IL7R: variants seen among roughly 807,000 people sequenced by gnomAD.
The protein encoded by IL7R is interleukin 7 receptor.
In IL7R, 38 loss-of-function variants were observed where a neutral mutation model predicts 47.0. The observed-to-expected ratio is 0.81, with a 90% CI of 0.62 to 1.06. IL7R has a LOEUF of 1.06. Ranked by LOEUF, IL7R falls within the 50% of genes least tolerant of loss-of-function variation. IL7R has a pLI of 0.00. For missense variants in IL7R, 633 were observed against 534.8 expected (o/e 1.18, Z -1.81); for synonymous variants, 221 against 199.8 (o/e 1.11, Z -0.89).
rs1341328719 is a variant in IL7R, at chr5:35,860,848, C to G, written c.83-4C>G. The G allele has an allele frequency of 6.2e-7, 1 of 1,613,358 alleles. No individual in the cohort carries two copies. The highest frequency in any genetic ancestry group is 8.5e-7 in the Non-Finnish European group (1 of 1,179,408). ...TTAACAGCTGCATGTTTGTTCCTCCCCAGGAGACTTGGAAGATGCAGAACT... is the reference window on the plus strand; with the variant it reads ...TTAACAGCTGCATGTTTGTTCCTCCGCAGGAGACTTGGAAGATGCAGAACT... On this transcript the variant is annotated splice_polypyrimidine_tract_variant and splice_region_variant and intron_variant, in intron 1 of 7. Coordinates refer to ENST00000303115, the MANE Select transcript of IL7R (RefSeq NM_002185.5).
At chr5:35,858,703 A>ATTTTACC (rs1759724632) in intron 1 of IL7R, among the ~76,000 whole-genome samples, 1 of 152,180 alleles carries the variant, frequency 6.6e-6, no homozygotes, top group Non-Finnish European at 1.5e-5. Context: ...TAGAATTCTT[A>ATTTTACC]TTTTACCTTT....
At chr5:35,873,275 A>T (rs1760118564) in intron 4 of IL7R, 2 of 614,540 alleles carry the variant, frequency 3.3e-6, no homozygotes, top group South Asian at 3.7e-5. Context: ...CTCCTTGACC[A>T]CTCACAACAT....
intron 4 of IL7R, among the ~76,000 whole-genome samples, chr5:35,872,260 G>A (rs761727734): frequency 7.2e-5 from 11 of 152,108 alleles, no homozygotes; most frequent in Non-Finnish European, 1.5e-4. Flanking sequence ...GTGCAATGGC[G>A]CCATCTTGGC....
rs756821231 is a variant in IL7R, at chr5:35,871,061, C to G, written c.385C>G (p.Pro129Ala). Residue 129 changes from proline (P) to alanine (A), a missense_variant, in exon 4 of 8, where the codon CCT becomes GCT. Coordinates refer to ENST00000303115, the MANE Select transcript of IL7R (RefSeq NM_002185.5). ...KKIDLTTIVK[P>A]EAPFDLSVVY... is the part of the protein sequence containing the mutation. ...TATTTCTTTTTCTTTTCCAGTTAAA[C>G]CTGAGGCTCCTTTTGACCTGAGTGT... 1 of 1,612,560 alleles carries G rather than the reference C, an allele frequency of 6.2e-7. No homozygotes were observed. Among genetic ancestry groups the G allele is most frequent in the Non-Finnish European group, 8.5e-7 (1 of 1,178,614 alleles).
chr5:35,858,306 T>C (rs1045772200), intron 1 of IL7R, among the ~76,000 whole-genome samples: 1 of 152,196 alleles, frequency 6.6e-6, no homozygotes, highest in Non-Finnish European at 1.5e-5. Flanking sequence ...GTTTGGGGTA[T>C]AGGAATTCAC....
intron 3 of IL7R, 74 bp from the exon 4 acceptor site, chr5:35,870,982 G>T: frequency 3.1e-6 from 4 of 1,308,296 alleles, no homozygotes; most frequent in Non-Finnish European, 4.4e-6. Flanking sequence ...ACTTGCAGAG[G>T]AGATGAATTT....
Position 35,871,210 on chromosome 5 carries a change from G to A in IL7R, c.534G>A (p.Trp178Ter), listed in dbSNP as rs754827305. 5 of 1,609,832 alleles carry A rather than the reference G, an allele frequency of 3.1e-6. No individual in the cohort carries two copies. The highest frequency in any genetic ancestry group is 3.3e-5 in the Admixed American group (2 of 59,984). Reference sequence around the variant, plus strand: ...GCCAGGAAAAGGATGAAAACAAATGGACGGTATGTAGTTCAACTACATTAA... The same window carrying A: ...GCCAGGAAAAGGATGAAAACAAATGAACGGTATGTAGTTCAACTACATTAA... ...AYRQEKDENK[W>*]THVNLSSTKL... is the part of the protein sequence containing the mutation. The change falls in exon 4 of 8, where the codon TGG (tryptophan) becomes TGA (stop). Residue 178 changes from tryptophan to a stop codon, truncating the protein, a stop_gained. Transcript: ENST00000303115. LOFTEE classifies it high-confidence loss of function.
At chr5:35,875,696 A>G (rs1760189333) in intron 7 of IL7R, 109 bp downstream of exon 7, 3 of 898,316 alleles carry the variant, frequency 3.3e-6, no homozygotes, top group African/African-American at 3.3e-5. Flanking sequence ...TATTTGATTC[A>G]TCCTGTAACT....
At chr5:35,865,372 G>A (rs1043038731) in intron 2 of IL7R, among the ~76,000 whole-genome samples, 9 of 152,202 alleles carry the variant, frequency 5.9e-5, no homozygotes, top group Non-Finnish European at 1.3e-4. Flanking sequence ...ATGGACATTT[G>A]GCTTGGTTCC....
At chr5:35,873,001 T>A (rs1580861757) in intron 4 of IL7R, among the ~76,000 whole-genome samples, 5 of 150,724 alleles carry the variant, frequency 3.3e-5, no homozygotes, top group African/African-American at 1.2e-4. Flanking sequence ...CTTCTTTTTA[T>A]CTGTCAAATT....
rs879711495 is a variant in IL7R at position 35,879,081 on chromosome 5, GA to G, written c.*2604del. ...CCAATCTCCTTTCAGATTTTATTAG[GA>G]AAAAAAAATAAACCTCCTGATCGGA... On this transcript the variant is annotated 3_prime_UTR_variant, in exon 8 of 8. Transcript: ENST00000303115. The G allele has an allele frequency of 2.2e-4, 50 of 227,726 alleles. No homozygotes were observed. The highest frequency in any genetic ancestry group is 3.4e-4 in the Non-Finnish European group (39 of 115,202). 14.1% of individuals were successfully genotyped at this position (227,726 alleles called of 1,614,324 possible).
Position 35,876,899 on chromosome 5 carries a change from C to T in IL7R, c.*413C>T, listed in dbSNP as rs1001167284. The T allele has an allele frequency of 1.0e-4, 29 of 283,068 alleles. No individual in the cohort carries two copies. The highest frequency in any genetic ancestry group is 1.5e-4 in the Non-Finnish European group (22 of 148,080). 17.5% of individuals were successfully genotyped at this position (283,068 alleles called of 1,614,324 possible). A position where few individuals can be genotyped will look rare whatever the true frequency, so the allele number is the denominator to read the frequency against. ...TATCCAGTGCTTTGCAAGTGCTCTG[C>T]GCACCTTGTCTCACTCCATCCTGAC... is the stretch of plus-strand genomic sequence containing the variant. On this transcript the variant is annotated 3_prime_UTR_variant, in exon 8 of 8. Transcript: ENST00000303115.
chr5:35,876,344 G>T lies in IL7R; in HGVS notation c.1238G>T (p.Ser413Ile), dbSNP rs756406426. ...DLLLSLGTTNSTLPPPFSLQS... is the reference protein window; with the variant it reads ...DLLLSLGTTNITLPPPFSLQS... ...CTGCTTAGCCTTGGGACTACAAACA[G>T]CACGCTGCCCCCTCCATTTTCTCTC... The change falls in exon 8 of 8, where the codon AGC becomes ATC. Residue 413 changes from serine to isoleucine, a missense_variant. Physicochemically the swap from Ser to Ile is moderately radical, Grantham distance 142 (BLOSUM62 -2). Coordinates refer to ENST00000303115, the MANE Select transcript of IL7R (RefSeq NM_002185.5). The T allele has an allele frequency of 6.2e-7, 1 of 1,613,232 alleles. No homozygotes were observed. The highest frequency in any genetic ancestry group is 8.5e-7 in the Non-Finnish European group (1 of 1,179,412).
At chr5:35,866,735 G>C (rs979277369) in intron 2 of IL7R, among the ~76,000 whole-genome samples, 1 of 151,920 alleles carries the variant, frequency 6.6e-6, no homozygotes, top group African/African-American at 2.4e-5. Context: ...ATGTTCTATA[G>C]TGATATCTCC....
intron 3 of IL7R, among the ~76,000 whole-genome samples, chr5:35,868,243 TAAATGTTAACCATGTCTTAA>T (rs1359489869): frequency 1.9e-4 from 29 of 152,342 alleles, no homozygotes; most frequent in Non-Finnish European, 3.5e-4. Context: ...TTTACTGATT[TAAATGTTAACCATGTCTTAA>T]AAATACTTTT....
chr5:35,857,632 G>T (rs1303839713), intron 1 of IL7R, among the ~76,000 whole-genome samples: 1 of 152,080 alleles, frequency 6.6e-6, no homozygotes, highest in Admixed American at 6.5e-5. Context: ...GTAAATAACT[G>T]ACTAGAGAAA....
rs1488295103 is a variant in IL7R at position 35,860,989 on chromosome 5, T to A, written c.220T>A (p.Cys74Ser). Residue 74 changes from cysteine to serine, a missense_variant and splice_region_variant, in exon 2 of 8, where the codon TGT becomes AGT. Cys to Ser is a moderately radical substitution (Grantham distance 112, BLOSUM62 -1). Coordinates refer to ENST00000303115, the MANE Select transcript of IL7R (RefSeq NM_002185.5). ...CATCACCAATCTGGAATTTGAAATA[T>A]GGTGAGGGATGGTGGTTTTAATGGT... ...VNITNLEFEI[C>S]GALVEVKCLN... is the part of the protein sequence containing the mutation. 1.9e-6 allele frequency: 3 copies of A among 1,613,196 alleles called. No homozygotes were observed.
Position 35,873,464 on chromosome 5 carries a change from G to A in IL7R, c.538-16G>A. ...CTTTTCCCATCCTAAGAATGTAACT[G>A]CACTCTACTCTCTAGCATGTGAATT... is the stretch of plus-strand genomic sequence containing the variant. On this transcript the variant is annotated splice_polypyrimidine_tract_variant and intron_variant, in intron 4 of 7. Coordinates refer to ENST00000303115, the MANE Select transcript of IL7R (RefSeq NM_002185.5). 6.2e-7 allele frequency: 1 copy of A among 1,610,524 alleles called. No individual in the cohort carries two copies. The highest frequency in any genetic ancestry group is 8.5e-7 in the Non-Finnish European group (1 of 1,176,850).
At chr5:35,873,433 A>G in intron 4 of IL7R, 47 bp from the exon 5 acceptor site, 1 of 1,507,360 alleles carries the variant, frequency 6.6e-7, no homozygotes, top group Non-Finnish European at 9.2e-7. Context: ...GATTTAGGCA[A>G]CACCTCTTTT....
Sources: gnomAD v4.1 joint callset for allele counts (sites outside exome capture counted in the v4.1 genomes callset) on GRCh38, gnomAD v4.1.1 for gene constraint, MANE v1.5 for transcripts, NCBI Gene and HGNC (gene_info 2026-07-23, HGNC 2026-07-21) for gene names.